ARHGEF4: variants seen among roughly 807,000 people sequenced by gnomAD.
The protein encoded by ARHGEF4 is APC-stimulated guanine nucleotide exchange factor 1.
A neutral mutation model predicts 162.0 loss-of-function variants in ARHGEF4; 119 were observed. The observed-to-expected ratio is 0.73, with a 90% CI of 0.63 to 0.86. The LOEUF (loss-of-function observed/expected upper bound fraction) is 0.86. Among genes scored for constraint, ARHGEF4 ranks in the 40% least tolerant of loss-of-function variants. The pLI, the probability that ARHGEF4 is intolerant of heterozygous loss-of-function variation, is 0.00. For synonymous variants in ARHGEF4, 1,014 were observed against 979.9 expected, an observed-to-expected ratio of 1.03 and a Z score of -0.65; for missense variants, 2,488 against 2,456.0, an observed-to-expected ratio of 1.01 and a Z score of -0.28.
At chr2:130,844,808 AC>A (rs1680838896) in intron 1 of ARHGEF4, among the ~76,000 whole-genome samples, 1 of 151,744 alleles carries the variant, frequency 6.6e-6, no homozygotes, top group Non-Finnish European at 1.5e-5. Flanking sequence ...TCTTCCCCAA[AC>A]AAATATATAT....
At chr2:130,856,068 A>C (rs1044878228) in intron 1 of ARHGEF4, among the ~76,000 whole-genome samples, 2 of 152,238 alleles carry the variant, frequency 1.3e-5, no homozygotes, top group African/African-American at 4.8e-5. Context: ...CAGGAGACTA[A>C]GACTTCAAAG....
chr2:130,923,420 C>T (rs1157402631), intron 2 of ARHGEF4, among the ~76,000 whole-genome samples: 1 of 152,176 alleles, frequency 6.6e-6, no homozygotes. Context: ...ATCTGTTTGT[C>T]CGTCCTTCTG....
At chr2:130,843,846 G>A (rs1680766396) in intron 1 of ARHGEF4, among the ~76,000 whole-genome samples, 1 of 152,182 alleles carries the variant, frequency 6.6e-6, no homozygotes, top group Non-Finnish European at 1.5e-5. Context: ...GAGCCCCAGG[G>A]GGGCCCTGAA....
chr2:130,841,896 C>T (rs1680635909), intron 1 of ARHGEF4, among the ~76,000 whole-genome samples: 1 of 152,230 alleles, frequency 6.6e-6, no homozygotes, highest in Non-Finnish European at 1.5e-5. Context: ...CCTGCCGGCT[C>T]TTGGACTCCA....
At chr2:130,989,741 G>A (rs180753811) in intron 4 of ARHGEF4, among the ~76,000 whole-genome samples, 2 of 152,318 alleles carry the variant, frequency 1.3e-5, no homozygotes, top group Non-Finnish European at 2.9e-5. Context: ...GGGGTGAAGT[G>A]CTAGGCTTGT....
chr2:130,932,542 T>A (rs1682699454), intron 3 of ARHGEF4, among the ~76,000 whole-genome samples: 1 of 152,222 alleles, frequency 6.6e-6, no homozygotes, highest in Admixed American at 6.5e-5. Flanking sequence ...TGTAAGACCA[T>A]TATAAGATAT....
chr2:131,008,651 A>T (rs1462599117), intron 4 of ARHGEF4, among the ~76,000 whole-genome samples: 1 of 152,072 alleles, frequency 6.6e-6, no homozygotes, highest in Non-Finnish European at 1.5e-5. Context: ...TTTTTAAAAA[A>T]ATCCTATCTT....
chr2:130,938,842 G>GT (rs1224816198), intron 3 of ARHGEF4, among the ~76,000 whole-genome samples: 2 of 152,042 alleles, frequency 1.3e-5, no homozygotes, highest in African/African-American at 4.8e-5. Context: ...ATTTTCTTCT[G>GT]TTTTTTCTAA....
chr2:130,940,447 C>T (rs1448673997), intron 3 of ARHGEF4, among the ~76,000 whole-genome samples: 1 of 151,820 alleles, frequency 6.6e-6, no homozygotes, highest in Non-Finnish European at 1.5e-5. Context: ...AGGTGCCTGC[C>T]ACCATGCCCG....
chr2:131,001,960 G>C (rs1687799102), intron 4 of ARHGEF4, among the ~76,000 whole-genome samples: 1 of 152,210 alleles, frequency 6.6e-6, no homozygotes, highest in South Asian at 2.1e-4. Flanking sequence ...TATTTTGGGA[G>C]ATAAGCAATA....
intron 2 of ARHGEF4, among the ~76,000 whole-genome samples, chr2:130,926,116 G>C (rs1048805194): frequency 1.4e-5 from 2 of 141,842 alleles, no homozygotes; most frequent in Admixed American, 1.5e-4. Flanking sequence ...GTATAATTCT[G>C]TCTCTTCCAT....
chr2:130,930,897 C>A, intron 2 of ARHGEF4, 55 bp from the exon 3 acceptor site: 1 of 1,516,594 alleles, frequency 6.6e-7, no homozygotes, highest in Non-Finnish European at 8.9e-7. Context: ...CAGCGTGTTC[C>A]CAGTTGATAT....
chr2:130,906,891 G>A (rs1237018865), intron 1 of ARHGEF4, among the ~76,000 whole-genome samples: 1 of 152,172 alleles, frequency 6.6e-6, no homozygotes, highest in Admixed American at 6.5e-5. Context: ...GTGGGTATGG[G>A]TGGGTTTAAT....
rs1690514923 is a variant in ARHGEF4 at position 131,038,840 on chromosome 2, G to GCT, written c.4126-7_4126-6dup. 6.3e-7 allele frequency: 1 copy of GCT among 1,592,626 alleles called. No homozygotes were observed. Among genetic ancestry groups the GCT allele is most frequent in the South Asian group, 1.1e-5 (1 of 89,626 alleles). ...TCCCCCACTGACCCGCCTGCCCGTG[G>GCT]CTCTCTCGGCAGCTCATCAGCGATG... is the stretch of plus-strand genomic sequence containing the variant. On this transcript the variant is annotated splice_polypyrimidine_tract_variant and intron_variant, in intron 5 of 13. Coordinates refer to ENST00000409359, the MANE Select transcript of ARHGEF4 (RefSeq NM_001367493.1).
At chr2:130,965,025 A>G (rs2105202365) in intron 4 of ARHGEF4, among the ~76,000 whole-genome samples, 1 of 152,326 alleles carries the variant, frequency 6.6e-6, no homozygotes, top group Non-Finnish European at 1.5e-5. Flanking sequence ...ATTCTCAAAT[A>G]TTGTAGCTTC....
chr2:131,045,746 G>A (rs1047387921), intron 13 of ARHGEF4: 5 of 1,430,598 alleles, frequency 3.5e-6, no homozygotes, highest in African/African-American at 2.9e-5. Context: ...TGTAGGGATG[G>A]AGCTGCTTTC....
At chr2:130,973,044 A>G (rs1279292489) in intron 4 of ARHGEF4, among the ~76,000 whole-genome samples, 1 of 152,280 alleles carries the variant, frequency 6.6e-6, no homozygotes, top group Non-Finnish European at 1.5e-5. Flanking sequence ...AAGAATATCT[A>G]TAAAGAGATT....
Position 131,040,352 on chromosome 2 carries a change from G to T in ARHGEF4, c.4574G>T (p.Cys1525Phe). ...GGGAACATCGAGGACATCTACCGCT[G>T]CCAGAAGGCCTTCGTGAAGGCCCTG... ...IFGNIEDIYR[C>F]QKAFVKALEQ... Residue 1525 changes from cysteine (C) to phenylalanine (F), a missense_variant, in exon 8 of 14, where the codon TGC (cysteine) becomes TTC (phenylalanine). By Grantham distance (205) the Cys-to-Phe change is radical. This residue lies in a region of ARHGEF4 where 415 missense variants were observed against 512.4 expected (regional missense o/e 0.81). Coordinates refer to ENST00000409359, the MANE Select transcript of ARHGEF4 (RefSeq NM_001367493.1). 1 of 1,611,942 alleles carries T rather than the reference G, an allele frequency of 6.2e-7. No individual in the cohort carries two copies. The highest frequency in any genetic ancestry group is 8.5e-7 in the Non-Finnish European group (1 of 1,179,476).
At chr2:130,870,551 C>G (rs1160231989) in intron 1 of ARHGEF4, among the ~76,000 whole-genome samples, 1 of 152,084 alleles carries the variant, frequency 6.6e-6, no homozygotes, top group Non-Finnish European at 1.5e-5. Context: ...CTCATATGAC[C>G]TTCTCAGAAC....
Sources: gnomAD v4.1 joint callset for allele counts (sites outside exome capture counted in the v4.1 genomes callset) on GRCh38, gnomAD v4.1.1 for gene constraint, gnomAD v4.1.1 regional missense constraint, MANE v1.5 for transcripts, NCBI Gene and HGNC (gene_info 2026-07-23, HGNC 2026-07-21) for gene names.